Variants in GDAP1 observed in about 807,000 individuals in gnomAD.
The protein encoded by GDAP1 is ganglioside induced differentiation associated protein 1.
A neutral mutation model predicts 40.1 loss-of-function variants in GDAP1; 34 were observed. The observed-to-expected ratio is 0.85, with a 90% confidence interval of 0.64 to 1.13. GDAP1 has a LOEUF of 1.13. Ranked by LOEUF, GDAP1 falls within the 50% of genes most tolerant of loss-of-function variation. The pLI, the probability that GDAP1 is intolerant of heterozygous loss-of-function variation, is 0.00. For missense variants in GDAP1, 374 were observed against 433.7 expected (o/e 0.86, Z 1.22); for synonymous variants, 170 against 157.4 (o/e 1.08, Z -0.60).
At chr8:74,362,624 C>A (rs1028189604) in intron 4 of GDAP1, among the ~76,000 whole-genome samples, 1 of 152,132 alleles carries the variant, frequency 6.6e-6, no homozygotes, top group Non-Finnish European at 1.5e-5. Context: ...TGCTAGAATT[C>A]TTTTCCTGAG....
chr8:74,469,976 A>AAAAAATAAAAAT (rs1047062718), intron 2 of GDAP1, among the ~76,000 whole-genome samples: 1 of 152,202 alleles, frequency 6.6e-6, no homozygotes, highest in African/African-American at 2.4e-5. Flanking sequence ...CTCCATCTCA[A>AAAAAATAAAAAT]AAAAATAAAA....
At chr8:74,474,950 C>T (rs1806606541) in intron 2 of GDAP1, among the ~76,000 whole-genome samples, 1 of 152,058 alleles carries the variant, frequency 6.6e-6, no homozygotes, top group Non-Finnish European at 1.5e-5. Context: ...CTATTTATTA[C>T]TGATTCAATT....
chr8:74,418,649 C>T (rs1307978367), intron 2 of GDAP1, among the ~76,000 whole-genome samples: 3 of 152,078 alleles, frequency 2.0e-5, no homozygotes, highest in African/African-American at 4.8e-5. Context: ...AAGCATGGTG[C>T]ATAAAAGGAA....
rs767991185 is a variant in GDAP1, at chr8:74,365,457, A to G, written c.*1090A>G. On this transcript the variant is annotated 3_prime_UTR_variant, in exon 6 of 6. Transcript: ENST00000220822. ...GGAAGGGACAGTCTCGGTGTGTCCCATGAATAACCTTGGAACTGCAACAAA... is the reference window on the plus strand; with the variant it reads ...GGAAGGGACAGTCTCGGTGTGTCCCGTGAATAACCTTGGAACTGCAACAAA... 6.4e-5 allele frequency: 29 copies of G among 453,724 alleles called. No homozygotes were observed. The highest frequency in any genetic ancestry group is 2.6e-4 in the African/African-American group (13 of 49,900). 28.1% of individuals were successfully genotyped at this position (453,724 alleles called of 1,614,324 possible). A position where few individuals can be genotyped will look rare whatever the true frequency, so the allele number is the denominator to read the frequency against.
At chr8:74,435,762 A>G (rs1471112461) in intron 2 of GDAP1, among the ~76,000 whole-genome samples, 2 of 152,218 alleles carry the variant, frequency 1.3e-5, no homozygotes, top group African/African-American at 2.4e-5. Context: ...TCCAAATATC[A>G]TAAATCAACT....
chr8:74,443,704 G>C (rs1165819441), intron 2 of GDAP1, among the ~76,000 whole-genome samples: 1 of 152,180 alleles, frequency 6.6e-6, no homozygotes. Flanking sequence ...CAGCACCCCA[G>C]CTATGGGACT....
At chr8:74,463,191 C>T (rs1198074903) in intron 2 of GDAP1, among the ~76,000 whole-genome samples, 2 of 141,682 alleles carry the variant, frequency 1.4e-5, no homozygotes, top group Non-Finnish European at 1.5e-5. Flanking sequence ...GTGGCTTATG[C>T]CTATAATCCC....
intron 2 of GDAP1, among the ~76,000 whole-genome samples, chr8:74,415,677 T>C (rs1333997193): frequency 6.7e-6 from 1 of 149,696 alleles, no homozygotes; most frequent in Non-Finnish European, 1.5e-5. Flanking sequence ...ATGGGAAGCA[T>C]ATGAGAGGGA....
At chr8:74,425,889 G>A (rs1014559601) in intron 2 of GDAP1, among the ~76,000 whole-genome samples, 11 of 152,188 alleles carry the variant, frequency 7.2e-5, no homozygotes, top group African/African-American at 2.4e-4. Flanking sequence ...TCAATTATAT[G>A]TCTTTCTGAG....
intron 2 of GDAP1, among the ~76,000 whole-genome samples, chr8:74,486,183 T>C (rs1806774489): frequency 6.6e-6 from 1 of 152,200 alleles, no homozygotes; most frequent in Non-Finnish European, 1.5e-5. Context: ...ATGTTTGGTA[T>C]CAGATGACAT....
chr8:74,479,168 G>A (rs927574415), intron 2 of GDAP1, among the ~76,000 whole-genome samples: 2 of 152,078 alleles, frequency 1.3e-5, no homozygotes, highest in East Asian at 3.9e-4. Flanking sequence ...TTATAATAGT[G>A]TTGTTATTAT....
intron 2 of GDAP1, among the ~76,000 whole-genome samples, chr8:74,403,038 T>TA (rs1425316820): frequency 4.0e-5 from 6 of 150,112 alleles, no homozygotes; most frequent in Non-Finnish European, 5.9e-5. Context: ...TTCTATAATA[T>TA]AAAAATGGAC....
At chr8:74,356,716 A>ATATATATATATT (rs375377157) in intron 2 of GDAP1, among the ~76,000 whole-genome samples, 11 of 104,328 alleles carry the variant, frequency 1.1e-4, no homozygotes, top group African/African-American at 4.5e-4. Context: ...ATATATATAT[A>ATATATATATATT]TTTTTTTTTT....
intron 2 of GDAP1, among the ~76,000 whole-genome samples, chr8:74,471,098 G>GT (rs1264832752): frequency 6.6e-6 from 1 of 152,020 alleles, no homozygotes; most frequent in Non-Finnish European, 1.5e-5. Flanking sequence ...TGATGGGGTT[G>GT]TTTTTTTCTT....
intron 2 of GDAP1, among the ~76,000 whole-genome samples, chr8:74,424,018 C>T (rs1805916341): frequency 6.6e-6 from 1 of 152,252 alleles, no homozygotes. Context: ...AATGTAAATA[C>T]AACTGTTCCT....
chr8:74,420,237 G>A (rs1436246721), intron 2 of GDAP1, among the ~76,000 whole-genome samples: 1 of 151,986 alleles, frequency 6.6e-6, no homozygotes, highest in Non-Finnish European at 1.5e-5. Context: ...AAATTATAGT[G>A]GAGTGTCATA....
At chr8:74,485,897 G>C (rs1336162943) in intron 2 of GDAP1, among the ~76,000 whole-genome samples, 7 of 152,282 alleles carry the variant, frequency 4.6e-5, no homozygotes, top group Middle Eastern at 6.8e-3. Flanking sequence ...AGGAAACATG[G>C]CAACAGTGAT....
intron 2 of GDAP1, among the ~76,000 whole-genome samples, chr8:74,397,818 A>G (rs1228442756): frequency 6.6e-6 from 1 of 152,096 alleles, no homozygotes; most frequent in Non-Finnish European, 1.5e-5. Context: ...CTTTTGGCTT[A>G]GGATTGACTT....
At chr8:74,422,345 CTTTCTTCCCTTCCTTCCTTCCTTCCTT>C (rs1805882118) in intron 2 of GDAP1, among the ~76,000 whole-genome samples, 1 of 46,652 alleles carries the variant, frequency 2.1e-5, no homozygotes, top group Non-Finnish European at 3.8e-5. Flanking sequence ...TTCTTTCTTT[CTTTCTTCCCTTCCTTCCTTCCTTCCTT>C]CCTTCCTTCC....
Sources: gnomAD v4.1 joint callset for allele counts (sites outside exome capture counted in the v4.1 genomes callset) on GRCh38, gnomAD v4.1.1 for gene constraint, MANE v1.5 for transcripts, NCBI Gene and HGNC (gene_info 2026-07-23, HGNC 2026-07-21) for gene names.